DIP2B: variants seen among roughly 807,000 people sequenced by gnomAD.
The protein encoded by DIP2B is DIP2 acetate--CoA ligase B (putative), also known as disco-interacting protein 2 homolog B.
DIP2B carries 76 observed loss-of-function variants against 198.0 expected under a neutral mutation model. The ratio of observed to expected loss-of-function variants is 0.38; its 90% CI spans 0.32 to 0.46. The LOEUF is 0.46. DIP2B is among the 20% of genes least tolerant of loss of function. The pLI, the probability that DIP2B is intolerant of heterozygous loss-of-function variation, is 0.99. For synonymous variants in DIP2B, 701 were observed against 739.1 expected, an observed-to-expected ratio of 0.95 and a Z score of 0.84; for missense variants, 1,559 against 1,978.4, an observed-to-expected ratio of 0.79 and a Z score of 4.02.
Position 50,717,657 on chromosome 12 carries a change from A to G in DIP2B, c.2852-1052A>G, listed in dbSNP as rs148356157. ...ACTGGGATTATAGGCGTGAGCCACC[A>G]CGCCTGGCCTGCAGCTTTGAACTCT... On this transcript the variant is annotated intron_variant, in intron 23 of 37. Coordinates refer to ENST00000301180, the MANE Select transcript of DIP2B (RefSeq NM_173602.3). Among the ~76,000 whole-genome samples, 326 of 150,784 alleles carry G rather than the reference A, an allele frequency of 2.2e-3. 1 individual carries two copies. The highest frequency in any genetic ancestry group is 6.8e-3 in the Middle Eastern group (2 of 292).
chr12:50,747,022 A>G lies in DIP2B; in HGVS notation c.*2183A>G, dbSNP rs1163694110. ...TTTTTTTAAAAGTAAAAAGAAACCC[A>G]TGGTATTGATTTAAATATATTTTAT... On this transcript the variant is annotated 3_prime_UTR_variant, in exon 38 of 38. Transcript: ENST00000301180. 8 of 152,250 alleles carry G rather than the reference A, an allele frequency of 5.3e-5. No homozygotes were observed. The highest frequency in any genetic ancestry group is 1.2e-4 in the Non-Finnish European group (8 of 68,038). The allele number at this position is 152,250 out of a possible 1,614,324, so 9.4% of individuals were successfully genotyped here.
chr12:50,520,777 T>G (rs1386021128), intron 1 of DIP2B, among the ~76,000 whole-genome samples: 1 of 152,216 alleles, frequency 6.6e-6, no homozygotes, highest in Non-Finnish European at 1.5e-5. Context: ...GCAGTGTTCT[T>G]TAGTGAAAAT....
chr12:50,649,272 C>T (rs917709153), intron 3 of DIP2B, among the ~76,000 whole-genome samples: 5 of 152,020 alleles, frequency 3.3e-5, no homozygotes. Context: ...GGAAAATAAA[C>T]ATATAAGAAT....
At chr12:50,669,013 G>A (rs991583746) in intron 4 of DIP2B, among the ~76,000 whole-genome samples, 4 of 151,846 alleles carry the variant, frequency 2.6e-5, no homozygotes, top group African/African-American at 7.2e-5. Context: ...ATCTCTTTGG[G>A]ATCTGGTCAC....
At chr12:50,625,431 GAC>G (rs1435767371) in intron 1 of DIP2B, among the ~76,000 whole-genome samples, 4 of 152,140 alleles carry the variant, frequency 2.6e-5, no homozygotes, top group African/African-American at 9.7e-5. Context: ...GAGTAAATAA[GAC>G]AAAGCATTGA....
intron 1 of DIP2B, among the ~76,000 whole-genome samples, chr12:50,611,668 C>T (rs1423693172): frequency 6.6e-6 from 1 of 152,032 alleles, no homozygotes; most frequent in Non-Finnish European, 1.5e-5. Flanking sequence ...TTTTTACCTA[C>T]CCCCAGTACT....
chr12:50,700,896 G>C (rs1343961064), intron 19 of DIP2B, among the ~76,000 whole-genome samples: 4 of 152,142 alleles, frequency 2.6e-5, no homozygotes, highest in Admixed American at 2.6e-4. Flanking sequence ...ACCCAGGCTG[G>C]AATACGGTGG....
At chr12:50,704,994 A>G (rs750471436) in intron 20 of DIP2B, among the ~76,000 whole-genome samples, 4 of 152,190 alleles carry the variant, frequency 2.6e-5, no homozygotes, top group Non-Finnish European at 4.4e-5. Context: ...TTCAGAACAC[A>G]GTATTTATAG....
intron 16 of DIP2B, 66 bp from the exon 17 acceptor site, chr12:50,696,995 T>C: frequency 1.6e-6 from 2 of 1,233,848 alleles, no homozygotes; most frequent in South Asian, 1.3e-5. Flanking sequence ...TTCTATTCTT[T>C]ACCATTTTCC....
chr12:50,508,699 A>C (rs1957988331), intron 1 of DIP2B, among the ~76,000 whole-genome samples: 1 of 140,326 alleles, frequency 7.1e-6, no homozygotes, highest in Non-Finnish European at 1.5e-5. Context: ...TTTTTTCTCT[A>C]AGGAAATGCT....
chr12:50,637,005 A>G (rs551834560), intron 2 of DIP2B, among the ~76,000 whole-genome samples: 1 of 152,214 alleles, frequency 6.6e-6, no homozygotes, highest in South Asian at 2.1e-4. Context: ...CCGACCCTTC[A>G]AAGGAAGACT....
chr12:50,522,410 G>T (rs1958128054), intron 1 of DIP2B, among the ~76,000 whole-genome samples: 1 of 152,128 alleles, frequency 6.6e-6, no homozygotes, highest in South Asian at 2.1e-4. Flanking sequence ...AGCAGCTCAG[G>T]GTACAAGACG....
rs1940359337 is a variant in DIP2B at position 50,747,740 on chromosome 12, C to G, written c.*2901C>G. The G allele has an allele frequency of 6.6e-6, 1 of 152,190 alleles. No homozygotes were observed. Among genetic ancestry groups the G allele is most frequent in the Non-Finnish European group, 1.5e-5 (1 of 68,036 alleles). The allele number at this position is 152,190 out of a possible 1,614,324, so 9.4% of individuals were successfully genotyped here. On this transcript the variant is annotated 3_prime_UTR_variant, in exon 38 of 38. Coordinates refer to ENST00000301180, the MANE Select transcript of DIP2B (RefSeq NM_173602.3). ...GGTTTTTAATGTCTGTGGAAAAAAA[C>G]TAAACAAGTCTCTGTCTCAGTTAAG...
In DIP2B at chr12:50,723,327, A is replaced by G; in HGVS notation, c.3288+4A>G. On this transcript the variant is annotated splice_donor_region_variant and intron_variant, in intron 27 of 37. Coordinates refer to ENST00000301180, the MANE Select transcript of DIP2B (RefSeq NM_173602.3). ...CACTGTCCGAATGATTGTTGATGTA[A>G]GTACCAGCTGTATCTTGCCTTGTCC... The G allele has an allele frequency of 6.2e-7, 1 of 1,614,168 alleles. No homozygotes were observed. Among genetic ancestry groups the G allele is most frequent in the South Asian group, 1.1e-5 (1 of 91,080 alleles).
intron 32 of DIP2B, among the ~76,000 whole-genome samples, chr12:50,732,828 G>A (rs917836992): frequency 5.9e-5 from 9 of 152,194 alleles, no homozygotes; most frequent in African/African-American, 1.9e-4. Context: ...TTGAGTCATC[G>A]TCGTGTGGTC....
chr12:50,528,546 C>T (rs919143399), intron 1 of DIP2B, among the ~76,000 whole-genome samples: 2 of 151,950 alleles, frequency 1.3e-5, no homozygotes, highest in South Asian at 4.1e-4. Flanking sequence ...TCCATCCATG[C>T]AGAAGTTGTG....
Position 50,525,492 on chromosome 12 carries a change from A to G in DIP2B, c.100+20252A>G, listed in dbSNP as rs1418111227. Among the ~76,000 whole-genome samples, 4 of 149,740 alleles carry G rather than the reference A, an allele frequency of 2.7e-5. No individual in the cohort carries two copies. The East Asian group carries it at 7.9e-4, about 29-fold the overall frequency. On this transcript the variant is annotated intron_variant, in intron 1 of 37. Coordinates refer to ENST00000301180, the MANE Select transcript of DIP2B (RefSeq NM_173602.3). ...TCTTCCTTGAACTCAACCGTGATGC[A>G]TGTTGCTGCCTCTAGGTCCCCTTTT...
chr12:50,666,969 A>AT (rs1938765580), intron 4 of DIP2B, among the ~76,000 whole-genome samples: 1 of 152,162 alleles, frequency 6.6e-6, no homozygotes, highest in Non-Finnish European at 1.5e-5. Context: ...GAATTAGCAA[A>AT]TTCCTGGGCT....
intron 2 of DIP2B, among the ~76,000 whole-genome samples, chr12:50,639,460 CT>C (rs891467038): frequency 9.4e-5 from 14 of 148,822 alleles, no homozygotes; most frequent in East Asian, 3.9e-4. Flanking sequence ...ATGCTACCTG[CT>C]TTTTTTTTTC....
Sources: gnomAD v4.1 joint callset for allele counts (sites outside exome capture counted in the v4.1 genomes callset) on GRCh38, gnomAD v4.1.1 for gene constraint, MANE v1.5 for transcripts, NCBI Gene and HGNC (gene_info 2026-07-23, HGNC 2026-07-21) for gene names.